The following ROCK1 variants were observed in gnomAD, a reference collection of about 807,000 sequenced individuals.
The protein encoded by ROCK1 is rho-associated protein kinase 1.
In ROCK1, 36 loss-of-function variants were observed where a neutral mutation model predicts 196.8. That is an observed-to-expected ratio of 0.18 (90% CI 0.14 to 0.24). The LOEUF (loss-of-function observed/expected upper bound fraction) is 0.24. Among genes scored for constraint, ROCK1 ranks in the 10% least tolerant of loss-of-function variants. ROCK1 has a pLI of 1.00. For synonymous variants in ROCK1, 443 were observed against 515.9 expected (o/e 0.86, Z 1.91); for missense variants, 920 against 1,562.0 (o/e 0.59, Z 6.93).
At chr18:20,955,325 G>A in intron 29 of ROCK1, 80 bp from the exon 30 acceptor site, 2 of 1,005,536 alleles carry the variant, frequency 2.0e-6, no homozygotes, top group Non-Finnish European at 2.9e-6. Flanking sequence ...ACATATGGGT[G>A]ATAAATAAGC....
intron 1 of ROCK1, among the ~76,000 whole-genome samples, chr18:21,099,574 T>C (rs1598562926): frequency 6.6e-6 from 1 of 151,990 alleles, no homozygotes; most frequent in Non-Finnish European, 1.5e-5. Flanking sequence ...CGAGACTCCA[T>C]CTCTACAAAA....
At chr18:21,075,162 CA>C (rs2036419181) in intron 1 of ROCK1, among the ~76,000 whole-genome samples, 1 of 151,844 alleles carries the variant, frequency 6.6e-6, no homozygotes, top group Non-Finnish European at 1.5e-5. Context: ...AGTAGTCTGG[CA>C]ATGATAAAGA....
At chr18:21,070,708 T>A in intron 1 of ROCK1, 95 bp from the exon 2 acceptor site, 2 of 719,754 alleles carry the variant, frequency 2.8e-6, no homozygotes, top group Non-Finnish European at 4.4e-6. Flanking sequence ...AATATTTAAT[T>A]TCCCCTAACA....
chr18:20,971,764 T>C (rs1159524012), intron 22 of ROCK1, among the ~76,000 whole-genome samples: 1 of 151,546 alleles, frequency 6.6e-6, no homozygotes, highest in Non-Finnish European at 1.5e-5. Flanking sequence ...GGAGCATGCA[T>C]TAGTGGGGCC....
chr18:20,975,151 T>A (rs1350977798), intron 22 of ROCK1, among the ~76,000 whole-genome samples: 1 of 152,052 alleles, frequency 6.6e-6, no homozygotes, highest in African/African-American at 2.4e-5. Flanking sequence ...AAATTATATA[T>A]TAGGAGGGAA....
At chr18:20,980,141 A>ATTT (rs1244947341) in intron 21 of ROCK1, 137 bp from the exon 22 acceptor site, 4 of 1,065,720 alleles carry the variant, frequency 3.8e-6, no homozygotes, top group Non-Finnish European at 5.0e-6. Context: ...AAATGCAAAT[A>ATTT]TATGTCAACA....
intron 13 of ROCK1, among the ~76,000 whole-genome samples, chr18:21,011,992 G>A (rs1471788780): frequency 6.6e-6 from 1 of 152,126 alleles, no homozygotes; most frequent in African/African-American, 2.4e-5. Context: ...CACCCAGGCT[G>A]GAGTGCAGTG....
chr18:21,044,308 T>G (rs868701765), intron 5 of ROCK1, 122 bp from the exon 6 acceptor site: 4 of 585,440 alleles, frequency 6.8e-6, no homozygotes, highest in Non-Finnish European at 1.2e-5. Context: ...TTGATCTGTA[T>G]GTGTTCTCTA....
chr18:21,086,138 G>A (rs1386584307), intron 1 of ROCK1, among the ~76,000 whole-genome samples: 1 of 142,126 alleles, frequency 7.0e-6, no homozygotes, highest in East Asian at 2.0e-4. Context: ...TTGAGACTGA[G>A]TCTCACTCTG....
At chr18:21,095,335 A>T (rs1317076808) in intron 1 of ROCK1, among the ~76,000 whole-genome samples, 1 of 152,194 alleles carries the variant, frequency 6.6e-6, no homozygotes, top group Non-Finnish European at 1.5e-5. Flanking sequence ...TACCCATAGA[A>T]TCCAGCAATC....
At chr18:21,097,652 G>C (rs1037312588) in intron 1 of ROCK1, among the ~76,000 whole-genome samples, 1 of 152,200 alleles carries the variant, frequency 6.6e-6, no homozygotes, top group Non-Finnish European at 1.5e-5. Context: ...TAGATCAAAA[G>C]TAGTTTTTCC....
chr18:20,957,779 T>A (rs2143327564), intron 29 of ROCK1, among the ~76,000 whole-genome samples: 1 of 150,648 alleles, frequency 6.6e-6, no homozygotes, highest in African/African-American at 2.4e-5. Context: ...CCACCACAAC[T>A]GGCCCAAGTG....
chr18:21,006,641 C>G (rs776756298), intron 15 of ROCK1, 44 bp from the exon 16 acceptor site: 3 of 1,591,312 alleles, frequency 1.9e-6, no homozygotes, highest in Non-Finnish European at 2.6e-6. Context: ...GACCAAAGTA[C>G]GATATAATTT....
At chr18:21,085,139 T>C (rs549186922) in intron 1 of ROCK1, among the ~76,000 whole-genome samples, 1 of 152,168 alleles carries the variant, frequency 6.6e-6, no homozygotes, top group South Asian at 2.1e-4. Context: ...CAGAGTTTGT[T>C]TGAGACAGAT....
intron 20 of ROCK1, among the ~76,000 whole-genome samples, chr18:20,983,221 TTAA>T (rs1296923754): frequency 6.7e-6 from 1 of 149,180 alleles, no homozygotes; most frequent in African/African-American, 2.5e-5. Context: ...CATGAAAAAT[TTAA>T]TAATAATTCA....
intron 4 of ROCK1, among the ~76,000 whole-genome samples, chr18:21,046,189 C>T (rs1211642822): frequency 1.3e-5 from 2 of 152,104 alleles, no homozygotes; most frequent in Non-Finnish European, 2.9e-5. Flanking sequence ...GGATTACAGG[C>T]ATGAGCCACT....
intron 12 of ROCK1, among the ~76,000 whole-genome samples, chr18:21,019,074 C>T (rs2035889868): frequency 6.6e-6 from 1 of 152,150 alleles, no homozygotes; most frequent in South Asian, 2.1e-4. Flanking sequence ...AGAATGGCCA[C>T]ATCAAAAATT....
At chr18:21,068,258 G>A (rs2036354526) in intron 2 of ROCK1, among the ~76,000 whole-genome samples, 1 of 152,146 alleles carries the variant, frequency 6.6e-6, no homozygotes, top group Non-Finnish European at 1.5e-5. Flanking sequence ...TGGAAACTGA[G>A]GCTTGAACAT....
intron 24 of ROCK1, 81 bp downstream of exon 24, chr18:20,969,034 C>T (rs987534850): frequency 6.9e-6 from 7 of 1,008,022 alleles, no homozygotes; most frequent in African/African-American, 3.2e-5. Flanking sequence ...AAACAGGTAT[C>T]TTAGAAACCT....
Sources: gnomAD v4.1 joint callset for allele counts (sites outside exome capture counted in the v4.1 genomes callset) on GRCh38, gnomAD v4.1.1 for gene constraint, MANE v1.5 for transcripts, NCBI Gene and HGNC (gene_info 2026-07-23, HGNC 2026-07-21) for gene names.